The following GPM6B variants were observed in gnomAD, a reference collection of about 807,000 sequenced individuals.
GPM6B encodes glycoprotein M6B, also known as neuronal membrane glycoprotein M6-b.
In GPM6B, 4 loss-of-function variants were observed where a neutral mutation model predicts 27.2. That is an observed-to-expected ratio of 0.15 (90% confidence interval 0.07 to 0.34). The LOEUF is 0.34. Among genes scored for constraint, GPM6B ranks in the 10% least tolerant of loss-of-function variants. The pLI, the probability that GPM6B is intolerant of heterozygous loss-of-function variation, is 1.00. For missense variants in GPM6B, 183 were observed against 261.9 expected, an observed-to-expected ratio of 0.70 and a Z score of 2.08; for synonymous variants, 124 against 103.1, an observed-to-expected ratio of 1.20 and a Z score of -1.23.
chrX:13,842,762 C>G, intron 1 of GPM6B, among the ~76,000 whole-genome samples: 1 of 111,285 alleles, frequency 9.0e-6, no homozygotes, highest in East Asian at 2.8e-4. Flanking sequence ...GCTACCCAAA[C>G]ACATCAGCCT....
intron 1 of GPM6B, among the ~76,000 whole-genome samples, chrX:13,813,153 T>G (rs1207097809): frequency 9.0e-6 from 1 of 111,423 alleles, no homozygotes; most frequent in Non-Finnish European, 1.9e-5. Context: ...TCATCAGGAA[T>G]AGTGTGACGT....
intron 1 of GPM6B, among the ~76,000 whole-genome samples, chrX:13,884,861 T>G (rs2050119339): frequency 8.9e-6 from 1 of 111,879 alleles, no homozygotes; most frequent in Non-Finnish European, 1.9e-5. Flanking sequence ...ATACAACCTC[T>G]AGCTTGTGTA....
Position 13,829,896 on chromosome X carries a change from T to C in GPM6B, c.-197-44088A>G, listed in dbSNP as rs1171302936. ...TTTTTTTTTTTAAAGCACAGTGGAATTTCTTTCTTCATGTCAGAGAATCAG... is the reference window on the plus strand; with the variant it reads ...TTTTTTTTTTTAAAGCACAGTGGAACTTCTTTCTTCATGTCAGAGAATCAG... On this transcript the variant is annotated intron_variant, in intron 1 of 6. Transcript: ENST00000398361. Among the ~76,000 whole-genome samples, 3 of 105,177 alleles carry C rather than the reference T, an allele frequency of 2.9e-5. No homozygotes were observed. The Admixed American group carries it at 3.1e-4, about 11-fold the overall frequency. 91.3% of individuals were successfully genotyped at this position (105,177 alleles called of 115,157 possible).
intron 1 of GPM6B, among the ~76,000 whole-genome samples, chrX:13,870,097 G>T (rs2049958822): frequency 8.9e-6 from 1 of 111,827 alleles, no homozygotes; most frequent in Admixed American, 9.5e-5. Context: ...TTCAGCTGGG[G>T]TTATGCATCA....
At position 13,871,116 on chromosome X, in the gene GPM6B, A is replaced by AAACAAAACAAAAC. The variant is rs771480385; in HGVS notation, c.-198+67210_-198+67211insGTTTTGTTTTGTT. 6.6e-4 allele frequency among the ~76,000 whole-genome samples: 35 copies of AAACAAAACAAAAC among 52,948 alleles called. No individual in the cohort carries two copies. The South Asian group carries it at 0.011, about 17-fold the overall frequency. 46.0% of individuals were successfully genotyped at this position (52,948 alleles called of 115,157 possible). A position where few individuals can be genotyped will look rare whatever the true frequency, so the allele number is the denominator to read the frequency against. On this transcript the variant is annotated intron_variant, in intron 1 of 6. Coordinates refer to the GPM6B transcript ENST00000398361. ...AAACAAAACAAAACAAAACAAAACA[A>AAACAAAACAAAAC]AAAAAAAAGAAGTTAGAGCTGTTTC... is the stretch of plus-strand genomic sequence containing the variant.
chrX:13,808,313 G>A (rs1443561211), intron 1 of GPM6B, among the ~76,000 whole-genome samples: 2 of 112,153 alleles, frequency 1.8e-5, no homozygotes, highest in Admixed American at 9.4e-5. Flanking sequence ...GAACGTCAGA[G>A]TCTAGAATGT....
intron 2 of GPM6B, among the ~76,000 whole-genome samples, chrX:13,805,729 C>T (rs943901605): frequency 1.8e-5 from 2 of 111,833 alleles, no homozygotes; most frequent in African/African-American, 6.5e-5. Flanking sequence ...TTTTATTCCC[C>T]CCCAATAAGA....
At chrX:13,864,885 C>T (rs985700968) in intron 1 of GPM6B, among the ~76,000 whole-genome samples, 4 of 111,820 alleles carry the variant, frequency 3.6e-5, no homozygotes, top group Non-Finnish European at 5.6e-5. Context: ...AGTAACAAAC[C>T]CTATATACAG....
intron 2 of GPM6B, among the ~76,000 whole-genome samples, chrX:13,794,161 G>T: frequency 9.2e-6 from 1 of 109,190 alleles, no homozygotes; most frequent in African/African-American, 3.4e-5. Context: ...CTCTGTTAAA[G>T]AGCAGTGGTT....
chrX:13,810,198 G>C (rs899956018), intron 1 of GPM6B, among the ~76,000 whole-genome samples: 2 of 111,596 alleles, frequency 1.8e-5, no homozygotes, highest in African/African-American at 3.3e-5. Flanking sequence ...CTCAGAAATA[G>C]ATGTTGCTAC....
At chrX:13,868,443 C>G (rs1270117193) in intron 1 of GPM6B, among the ~76,000 whole-genome samples, 10 of 111,666 alleles carry the variant, frequency 9.0e-5, no homozygotes, top group Non-Finnish European at 1.9e-4. Context: ...CTGGGTTTTT[C>G]TTGCATTTCC....
chrX:13,833,911 T>A (rs773146211), intron 1 of GPM6B, among the ~76,000 whole-genome samples: 1 of 112,627 alleles, frequency 8.9e-6, no homozygotes, highest in South Asian at 3.7e-4. Flanking sequence ...CTTTGGTTCA[T>A]GCCATGAAGG....
At chrX:13,854,711 T>C (rs1449487783) in intron 1 of GPM6B, among the ~76,000 whole-genome samples, 1 of 111,995 alleles carries the variant, frequency 8.9e-6, no homozygotes, top group African/African-American at 3.2e-5. Context: ...GATATGCTAA[T>C]TACCCTGATC....
intron 2 of GPM6B, among the ~76,000 whole-genome samples, chrX:13,797,584 C>A (rs1017362503): frequency 7.2e-5 from 8 of 111,006 alleles, no homozygotes; most frequent in Admixed American, 1.9e-4. Flanking sequence ...GATGTCCAAG[C>A]CAGCCTCAAG....
At chrX:13,816,470 C>T (rs2049235921) in intron 1 of GPM6B, among the ~76,000 whole-genome samples, 1 of 111,551 alleles carries the variant, frequency 9.0e-6, no homozygotes, top group Admixed American at 9.5e-5. Context: ...TCCAGTTCCT[C>T]CTCAGCATTA....
intron 1 of GPM6B, among the ~76,000 whole-genome samples, chrX:13,824,889 A>AG (rs1427274717): frequency 8.9e-6 from 1 of 112,068 alleles, no homozygotes; most frequent in Non-Finnish European, 1.9e-5. Flanking sequence ...TCCAAAGTCA[A>AG]GGTGTGGGCG....
intron 1 of GPM6B, among the ~76,000 whole-genome samples, chrX:13,905,230 C>CAAAAAAAAAA (rs199791285): frequency 7.7e-5 from 5 of 64,713 alleles, no homozygotes; most frequent in Admixed American, 1.9e-4. Flanking sequence ...GGCCCTGTCT[C>CAAAAAAAAAA]AAAAAAAAAA....
Position 13,815,643 on chromosome X carries a change from A to G in GPM6B, c.61+1201T>C, listed in dbSNP as rs779739024. Among the ~76,000 whole-genome samples the G allele has an allele frequency of 6.2e-5, 7 of 112,092 alleles. No individual in the cohort carries two copies. The South Asian group carries it at 2.6e-3, about 41-fold the overall frequency. Reference sequence around the variant, plus strand: ...TGTGTATTGTGTGATACCTAAAAAAATTAATTTAAAAAGTAAAATTGCTCT... The same window carrying G: ...TGTGTATTGTGTGATACCTAAAAAAGTTAATTTAAAAAGTAAAATTGCTCT... On this transcript the variant is annotated intron_variant, in intron 1 of 7. Transcript: ENST00000316715.
intron 1 of GPM6B, among the ~76,000 whole-genome samples, chrX:13,845,530 CTTCT>C (rs1475221131): frequency 5.4e-5 from 6 of 111,749 alleles, no homozygotes; most frequent in Non-Finnish European, 1.1e-4. Context: ...AATTCTCCTT[CTTCT>C]AATATTTTTG....
Sources: allele counts gnomAD v4.1 joint callset (sites outside exome capture counted in the v4.1 genomes callset), GRCh38; gene constraint gnomAD v4.1.1; transcripts MANE v1.5; gene names NCBI Gene and HGNC (gene_info 2026-07-23, HGNC 2026-07-21).